Variants in FRMD5 observed in about 807,000 individuals in gnomAD.
The protein encoded by FRMD5 is FERM domain containing 5.
A neutral mutation model predicts 69.0 loss-of-function variants in FRMD5; 20 were observed. The ratio of observed to expected loss-of-function variants is 0.29; its 90% CI spans 0.20 to 0.42. The LOEUF (loss-of-function observed/expected upper bound fraction) is 0.42. Ranked by LOEUF, FRMD5 falls within the 10% of genes least tolerant of loss-of-function variation. The pLI, the probability that FRMD5 is intolerant of heterozygous loss-of-function variation, is 1.00. For synonymous variants in FRMD5, 271 were observed against 260.1 expected (o/e 1.04, Z -0.40); for missense variants, 595 against 708.6 (o/e 0.84, Z 1.82).
At chr15:43,883,611 G>T in intron 13 of FRMD5, 92 bp downstream of exon 13, 1 of 864,942 alleles carries the variant, frequency 1.2e-6, no homozygotes, top group Admixed American at 2.3e-5. Context: ...CAAGAGACAT[G>T]CTGCCATCAC....
chr15:43,919,876 C>T, intron 2 of FRMD5, 67 bp from the exon 3 acceptor site: 1 of 1,444,994 alleles, frequency 6.9e-7, no homozygotes, highest in Admixed American at 1.7e-5. Context: ...CTTGTTTTCT[C>T]CAACTTAAAA....
chr15:43,930,074 G>C lies in FRMD5; in HGVS notation c.103-5765C>G, dbSNP rs1307857723. Among the ~76,000 whole-genome samples, 3 of 152,196 alleles carry C rather than the reference G, an allele frequency of 2.0e-5. No homozygotes were observed. In the East Asian group the frequency reaches 5.8e-4, roughly 29 times the overall value. On this transcript the variant is annotated intron_variant, in intron 1 of 13. Coordinates refer to ENST00000417257, the MANE Select transcript of FRMD5 (RefSeq NM_032892.5). The stretch of plus-strand genomic sequence containing the variant: ...CCAGCCCAGCTTTCTGAGGCAGAGG[G>C]AGGGTGTGGGGCACAAGTGCTAACA...
At chr15:43,897,856 T>C (rs1285845214) in intron 7 of FRMD5, among the ~76,000 whole-genome samples, 1 of 152,134 alleles carries the variant, frequency 6.6e-6, no homozygotes, top group Non-Finnish European at 1.5e-5. Flanking sequence ...CCCATGCTGT[T>C]CTCATGATAG....
intron 4 of FRMD5, 89 bp from the exon 5 acceptor site, chr15:43,910,068 G>A: frequency 1.5e-6 from 1 of 683,022 alleles, no homozygotes; most frequent in Non-Finnish European, 2.4e-6. Flanking sequence ...CAAAATCTTT[G>A]TCAGGATACT....
At chr15:44,084,201 C>T (rs781251732) in intron 1 of FRMD5, among the ~76,000 whole-genome samples, 8 of 151,948 alleles carry the variant, frequency 5.3e-5, no homozygotes, top group Non-Finnish European at 1.0e-4. Context: ...TTTTGACTAC[C>T]AAATTTCAAG....
chr15:43,889,413 C>A (rs529804318), intron 8 of FRMD5, among the ~76,000 whole-genome samples: 20 of 152,210 alleles, frequency 1.3e-4, no homozygotes, highest in African/African-American at 4.3e-4. Context: ...GGGCAACATA[C>A]CAAAGAGAGA....
chr15:43,950,899 G>T lies in FRMD5; in HGVS notation c.103-26590C>A, dbSNP rs143773276. On this transcript the variant is annotated intron_variant, in intron 1 of 13. Transcript: ENST00000417257. ...AGTGACACTGACTTTTAACAACAGG[G>T]ATATATAGTCTTCAATATAATGCCC... Among the ~76,000 whole-genome samples the T allele has an allele frequency of 2.6e-3, 400 of 152,266 alleles. 2 individuals are homozygous for T. The highest frequency in any genetic ancestry group is 8.6e-3 in the African/African-American group (356 of 41,548).
At chr15:44,131,266 C>A (rs1300910192) in intron 1 of FRMD5, among the ~76,000 whole-genome samples, 2 of 152,024 alleles carry the variant, frequency 1.3e-5, no homozygotes, top group African/African-American at 2.4e-5. Flanking sequence ...CTCACACCCA[C>A]TAAGATGTCT....
chr15:44,094,517 G>C (rs2076523018), intron 1 of FRMD5, among the ~76,000 whole-genome samples: 1 of 152,176 alleles, frequency 6.6e-6, no homozygotes, highest in East Asian at 1.9e-4. Flanking sequence ...TAAACAGTGT[G>C]TTGGAATTCC....
In FRMD5 at chr15:43,909,863, T is replaced by G. The variant is rs766194026; in HGVS notation, c.427+19A>C. 5 of 1,509,882 alleles carry G rather than the reference T, an allele frequency of 3.3e-6. No homozygotes were observed. Among genetic ancestry groups the G allele is most frequent in the Non-Finnish European group, 4.6e-6 (5 of 1,088,252 alleles). The allele number at this position is 1,509,882 out of a possible 1,614,324, so 93.5% of individuals were successfully genotyped here. ...GTACTTGGCATGAAAAGCAAACTTA[T>G]CCTGTCAAAAGTCATTACCTTGAAG... On this transcript the variant is annotated intron_variant, in intron 5 of 13. Coordinates refer to ENST00000417257, the MANE Select transcript of FRMD5 (RefSeq NM_032892.5).
chr15:44,178,375 A>G (rs1210987713), intron 1 of FRMD5, among the ~76,000 whole-genome samples: 1 of 152,166 alleles, frequency 6.6e-6, no homozygotes, highest in East Asian at 1.9e-4. Context: ...TTTAGGAGAT[A>G]CAGAAAACTA....
intron 1 of FRMD5, among the ~76,000 whole-genome samples, chr15:43,993,621 A>G (rs957635649): frequency 2.0e-5 from 3 of 152,214 alleles, no homozygotes; most frequent in African/African-American, 7.2e-5. Flanking sequence ...GTTTAAGTCC[A>G]ATGCTTCCTT....
intron 1 of FRMD5, among the ~76,000 whole-genome samples, chr15:43,972,139 GA>G (rs1258878880): frequency 6.7e-6 from 1 of 150,370 alleles, no homozygotes. Flanking sequence ...TCCAAAGAAA[GA>G]TACAACAGGC....
intron 1 of FRMD5, among the ~76,000 whole-genome samples, chr15:44,100,303 C>T (rs991478803): frequency 6.6e-6 from 1 of 151,748 alleles, no homozygotes; most frequent in Admixed American, 6.6e-5. Context: ...GTGATCCACC[C>T]GCCTTGGCCT....
intron 4 of FRMD5, among the ~76,000 whole-genome samples, chr15:43,918,338 C>T (rs143182398): frequency 0.011 from 1,639 of 152,300 alleles, 24 homozygotes; most frequent in African/African-American, 0.037. Context: ...GCAGGAGAAT[C>T]GCTTGAAACC....
intron 1 of FRMD5, among the ~76,000 whole-genome samples, chr15:44,060,599 A>G (rs182874600): frequency 1.5e-3 from 226 of 152,316 alleles, no homozygotes; most frequent in African/African-American, 5.2e-3. Context: ...ATCCTCAACT[A>G]TACAGCACAC....
chr15:44,066,340 G>A (rs1893309028), intron 1 of FRMD5, among the ~76,000 whole-genome samples: 1 of 152,146 alleles, frequency 6.6e-6, no homozygotes, highest in Non-Finnish European at 1.5e-5. Flanking sequence ...ACTTTCAAAA[G>A]CTATAATACG....
At chr15:43,929,554 T>C (rs1386592034) in intron 1 of FRMD5, among the ~76,000 whole-genome samples, 1 of 152,112 alleles carries the variant, frequency 6.6e-6, no homozygotes, top group African/African-American at 2.4e-5. Flanking sequence ...TCACAATCTG[T>C]TAAAGGGTAG....
chr15:44,002,129 A>G (rs1890240889), intron 1 of FRMD5, among the ~76,000 whole-genome samples: 1 of 152,106 alleles, frequency 6.6e-6, no homozygotes, highest in South Asian at 2.1e-4. Context: ...GCACAATAAG[A>G]TGTCCCAGGC....
Sources: gnomAD v4.1 joint callset for allele counts (sites outside exome capture counted in the v4.1 genomes callset) on GRCh38, gnomAD v4.1.1 for gene constraint, MANE v1.5 for transcripts, NCBI Gene and HGNC (gene_info 2026-07-23, HGNC 2026-07-21) for gene names.